The following SSBP2 variants were observed in gnomAD, a reference collection of about 807,000 sequenced individuals.
The protein encoded by SSBP2 is single stranded DNA binding protein 2.
A neutral mutation model predicts 61.8 loss-of-function variants in SSBP2; 17 were observed. The ratio of observed to expected loss-of-function variants is 0.28; its 90% CI spans 0.19 to 0.41. SSBP2 has a LOEUF of 0.41. Ranked by LOEUF, SSBP2 falls within the 10% of genes least tolerant of loss-of-function variation. The pLI is 1.00. For synonymous variants in SSBP2, 139 were observed against 141.3 expected (o/e 0.98, Z 0.12); for missense variants, 310 against 458.7 (o/e 0.68, Z 2.96).
At chr5:81,750,920 G>T in intron 1 of SSBP2, 61 bp downstream of exon 1, 1 of 1,524,326 alleles carries the variant, frequency 6.6e-7, no homozygotes, top group East Asian at 2.4e-5. Flanking sequence ...GAGTGTGCGA[G>T]TGCGTGCGTG....
At chr5:81,727,195 A>G (rs1054614627) in intron 1 of SSBP2, among the ~76,000 whole-genome samples, 1 of 152,242 alleles carries the variant, frequency 6.6e-6, no homozygotes, top group Non-Finnish European at 1.5e-5. Flanking sequence ...AGTCTGTTGC[A>G]TTGCCTATAA....
intron 1 of SSBP2, among the ~76,000 whole-genome samples, chr5:81,719,071 AG>A (rs1400896694): frequency 2.0e-5 from 3 of 152,186 alleles, no homozygotes; most frequent in African/African-American, 7.2e-5. Flanking sequence ...ATCACTCTTC[AG>A]TAAACATTTT....
At chr5:81,690,273 A>C (rs1753106386) in intron 1 of SSBP2, among the ~76,000 whole-genome samples, 1 of 152,162 alleles carries the variant, frequency 6.6e-6, no homozygotes, top group Admixed American at 6.5e-5. Flanking sequence ...CATTGAATGT[A>C]AATGGACTAA....
chr5:81,468,643 A>G (rs1765048163), intron 8 of SSBP2, among the ~76,000 whole-genome samples: 1 of 152,028 alleles, frequency 6.6e-6, no homozygotes, highest in Admixed American at 6.6e-5. Flanking sequence ...ATGTTAACTC[A>G]TCTTCCCTGG....
rs938516641 is a variant in SSBP2 at position 81,492,831 on chromosome 5, C to G, written c.373-3522G>C. ...CAACCTTAAAATGAGAGAGTTAAAC[C>G]AGGTGACTTCTAAAGTCCCTTTTAA... On this transcript the variant is annotated intron_variant, in intron 5 of 16. Coordinates refer to ENST00000320672, the MANE Select transcript of SSBP2 (RefSeq NM_012446.5). Among the ~76,000 whole-genome samples the G allele has an allele frequency of 1.2e-4, 18 of 152,160 alleles. No individual in the cohort carries two copies. In the East Asian group the frequency reaches 1.4e-3, roughly 11 times the overall value.
chr5:81,467,277 A>T (rs938026606), intron 8 of SSBP2, among the ~76,000 whole-genome samples: 2 of 152,008 alleles, frequency 1.3e-5, no homozygotes, highest in Non-Finnish European at 2.9e-5. Flanking sequence ...GAGCACGTTA[A>T]ATGATTAAGG....
chr5:81,701,760 C>T (rs550420517), intron 1 of SSBP2, among the ~76,000 whole-genome samples: 1 of 152,158 alleles, frequency 6.6e-6, no homozygotes, highest in Non-Finnish European at 1.5e-5. Flanking sequence ...CCTAAAGAAA[C>T]TCCTGGACTG....
chr5:81,726,905 T>G (rs565564013), intron 1 of SSBP2, among the ~76,000 whole-genome samples: 1 of 152,318 alleles, frequency 6.6e-6, no homozygotes, highest in South Asian at 2.1e-4. Context: ...CCCTGATGAC[T>G]TCAGCACATA....
chr5:81,456,237 C>T (rs577132334), intron 10 of SSBP2, among the ~76,000 whole-genome samples: 1 of 152,198 alleles, frequency 6.6e-6, no homozygotes, highest in Non-Finnish European at 1.5e-5. Flanking sequence ...TCTTTTTCCC[C>T]TGACAAGTGA....
At chr5:81,690,074 CTCAAA>C (rs1217269243) in intron 1 of SSBP2, among the ~76,000 whole-genome samples, 1 of 151,424 alleles carries the variant, frequency 6.6e-6, no homozygotes, top group Non-Finnish European at 1.5e-5. Flanking sequence ...TTCTGGTAAC[CTCAAA>C]TCAAAAAGAA....
rs536671675 is a variant in SSBP2 at position 81,486,225 on chromosome 5, T to C, written c.432+3025A>G. Among the ~76,000 whole-genome samples, 249 of 152,310 alleles carry C rather than the reference T, an allele frequency of 1.6e-3. 2 individuals carry two copies. Among genetic ancestry groups the C allele is most frequent in the African/African-American group, 5.7e-3 (238 of 41,574 alleles). ...CTTTTTATTATCTTTAACTTTTTAATTGTCTCTTTTGAAAATTCAAAGACA... is the reference window on the plus strand; with the variant it reads ...CTTTTTATTATCTTTAACTTTTTAACTGTCTCTTTTGAAAATTCAAAGACA... On this transcript the variant is annotated intron_variant, in intron 6 of 16. Transcript: ENST00000320672.
intron 1 of SSBP2, among the ~76,000 whole-genome samples, chr5:81,659,966 T>C (rs1320853301): frequency 2.6e-5 from 4 of 152,100 alleles, no homozygotes; most frequent in Non-Finnish European, 4.4e-5. Flanking sequence ...TGGCTAGCCA[T>C]ATGCAGAAAA....
chr5:81,653,179 T>C (rs1749903297), intron 1 of SSBP2, among the ~76,000 whole-genome samples: 1 of 152,138 alleles, frequency 6.6e-6, no homozygotes, highest in Non-Finnish European at 1.5e-5. Flanking sequence ...CTCCCACTTA[T>C]GACTGAGAAC....
At chr5:81,491,544 G>A (rs1200089132) in intron 5 of SSBP2, among the ~76,000 whole-genome samples, 1 of 152,184 alleles carries the variant, frequency 6.6e-6, no homozygotes, top group Non-Finnish European at 1.5e-5. Context: ...CTACCTGACT[G>A]AGGCCCTGTG....
chr5:81,725,235 T>C (rs1440097712), intron 1 of SSBP2, among the ~76,000 whole-genome samples: 2 of 151,422 alleles, frequency 1.3e-5, no homozygotes, highest in Non-Finnish European at 2.9e-5. Flanking sequence ...GAATGGGAGG[T>C]CTTAAGGAGA....
chr5:81,732,339 G>C lies in SSBP2; in HGVS notation c.62+18642C>G, dbSNP rs566558953. 1.8e-4 allele frequency among the ~76,000 whole-genome samples: 27 copies of C among 152,126 alleles called. 1 individual carries two copies. The South Asian group carries it at 5.4e-3, about 30-fold the overall frequency. ...AAATTAGTAGTCTTTATGTAACAGA[G>C]TAACAATAATTTACAGTCTGGATTC... On this transcript the variant is annotated intron_variant, in intron 1 of 16. Transcript: ENST00000320672.
chr5:81,599,153 C>T (rs1025552984), intron 4 of SSBP2, among the ~76,000 whole-genome samples: 8 of 152,084 alleles, frequency 5.3e-5, no homozygotes, highest in African/African-American at 1.9e-4. Context: ...GAGTCTCTGC[C>T]AGTGGGACCA....
At chr5:81,622,120 T>A (rs370488813) in intron 3 of SSBP2, among the ~76,000 whole-genome samples, 11,441 of 126,402 alleles carry the variant, frequency 0.091, 477 homozygotes, top group Non-Finnish European at 0.11. Context: ...AAAAAAAAAT[T>A]AAAAAAAAAA....
chr5:81,425,816 G>C (rs1761916064), intron 16 of SSBP2, among the ~76,000 whole-genome samples: 1 of 152,032 alleles, frequency 6.6e-6, no homozygotes, highest in African/African-American at 2.4e-5. Flanking sequence ...CTTTGGGCTG[G>C]GCATTTTTGT....
Sources: gnomAD v4.1 joint callset for allele counts (sites outside exome capture counted in the v4.1 genomes callset) on GRCh38, gnomAD v4.1.1 for gene constraint, MANE v1.5 for transcripts, NCBI Gene and HGNC (gene_info 2026-07-23, HGNC 2026-07-21) for gene names.